Variants in WDR70 observed in about 807,000 individuals in gnomAD.
The protein encoded by WDR70 is WD repeat domain 70.
Under a neutral mutation model 88.6 loss-of-function variants are expected in WDR70, and 53 were observed. The observed-to-expected ratio is 0.60, with a 90% CI of 0.48 to 0.75. WDR70 has a LOEUF of 0.75. WDR70 is among the 30% of genes least tolerant of loss of function. The pLI is 0.00. For missense variants in WDR70, 610 were observed against 823.2 expected (o/e 0.74, Z 3.17); for synonymous variants, 280 against 270.0 (o/e 1.04, Z -0.36).
chr5:37,439,777 T>A (rs1381875957), intron 6 of WDR70, among the ~76,000 whole-genome samples: 2 of 152,142 alleles, frequency 1.3e-5, no homozygotes, highest in Non-Finnish European at 1.5e-5. Context: ...CAATCTTATT[T>A]CTTTCCTATA....
intron 7 of WDR70, among the ~76,000 whole-genome samples, chr5:37,478,279 C>T (rs1182835683): frequency 6.6e-6 from 1 of 152,208 alleles, no homozygotes; most frequent in African/African-American, 2.4e-5. Context: ...AAATATTGCA[C>T]CTGCCATGGC....
At chr5:37,466,713 A>G (rs1739162593) in intron 7 of WDR70, among the ~76,000 whole-genome samples, 2 of 149,514 alleles carry the variant, frequency 1.3e-5, no homozygotes, top group Non-Finnish European at 3.0e-5. Context: ...CTCAAAAAAA[A>G]AAAAAAAAAA....
intron 5 of WDR70, among the ~76,000 whole-genome samples, chr5:37,408,080 G>A (rs548030791): frequency 5.9e-5 from 9 of 152,174 alleles, no homozygotes; most frequent in East Asian, 1.9e-4. Flanking sequence ...CTCAGATCTC[G>A]TCTGCGTCTG....
At chr5:37,716,150 G>A (rs1422814106) in intron 13 of WDR70, among the ~76,000 whole-genome samples, 1 of 152,186 alleles carries the variant, frequency 6.6e-6, no homozygotes, top group East Asian at 1.9e-4. Flanking sequence ...AAACCAGATG[G>A]AGTTTGGTTT....
At chr5:37,697,556 T>C in intron 10 of WDR70, 99 bp from the exon 11 acceptor site, 1 of 945,472 alleles carries the variant, frequency 1.1e-6, no homozygotes, top group Non-Finnish European at 1.7e-6. Context: ...TATAGGTGTG[T>C]ATTATTTTCA....
intron 7 of WDR70, among the ~76,000 whole-genome samples, chr5:37,467,810 G>A (rs1739205043): frequency 6.6e-6 from 1 of 151,892 alleles, no homozygotes; most frequent in African/African-American, 2.4e-5. Context: ...TCCGCCTCCC[G>A]GGTTTACGTC....
chr5:37,657,208 C>G (rs1259099621), intron 10 of WDR70, among the ~76,000 whole-genome samples: 1 of 152,190 alleles, frequency 6.6e-6, no homozygotes, highest in African/African-American at 2.4e-5. Context: ...TGTACCATTC[C>G]TCACAGCAGG....
intron 13 of WDR70, among the ~76,000 whole-genome samples, chr5:37,704,080 CACG>C (rs1443436715): frequency 6.6e-6 from 1 of 152,048 alleles, no homozygotes; most frequent in East Asian, 1.9e-4. Context: ...AATGTAAAAC[CACG>C]GTATAGAGTA....
chr5:37,608,209 T>G (rs1374998205), intron 10 of WDR70, among the ~76,000 whole-genome samples: 1 of 151,856 alleles, frequency 6.6e-6, no homozygotes, highest in Non-Finnish European at 1.5e-5. Context: ...ACCTGGCTAA[T>G]TTTTGTATTT....
At chr5:37,508,122 C>T (rs553436210) in intron 8 of WDR70, among the ~76,000 whole-genome samples, 1 of 151,888 alleles carries the variant, frequency 6.6e-6, no homozygotes, top group African/African-American at 2.4e-5. Flanking sequence ...TTTGTACGTA[C>T]CTATTATGGA....
chr5:37,563,785 C>T (rs1343162532), intron 9 of WDR70, among the ~76,000 whole-genome samples: 4 of 132,444 alleles, frequency 3.0e-5, no homozygotes, highest in Non-Finnish European at 1.7e-5. Flanking sequence ...GGCTGCCGGG[C>T]GGAGGGGCTC....
At chr5:37,490,503 C>A (rs1404767046) in intron 8 of WDR70, among the ~76,000 whole-genome samples, 1 of 152,126 alleles carries the variant, frequency 6.6e-6, no homozygotes, top group Non-Finnish European at 1.5e-5. Flanking sequence ...GCATTGGCTG[C>A]ATTGGCTAGG....
At chr5:37,694,775 C>G (rs565467790) in intron 10 of WDR70, among the ~76,000 whole-genome samples, 1 of 151,976 alleles carries the variant, frequency 6.6e-6, no homozygotes, top group Non-Finnish European at 1.5e-5. Context: ...CAGCAAACCA[C>G]CATGGCACAT....
At chr5:37,447,294 G>A (rs932670506) in intron 7 of WDR70, among the ~76,000 whole-genome samples, 12 of 152,172 alleles carry the variant, frequency 7.9e-5, no homozygotes, top group African/African-American at 2.9e-4. Flanking sequence ...AACAACTAGT[G>A]CTGGAGAGGA....
At position 37,727,056 on chromosome 5, in the gene WDR70, A is replaced by G. The variant is rs1251628177; in HGVS notation, c.1877+11A>G. 1.5e-5 allele frequency: 24 copies of G among 1,598,646 alleles called. No homozygotes were observed. The highest frequency in any genetic ancestry group is 2.0e-5 in the Non-Finnish European group (23 of 1,175,422). On this transcript the variant is annotated intron_variant, in intron 17 of 17. Transcript: ENST00000265107. ...TCCAGCATATTCCAAGTGAGAATAT[A>G]GCTTTTTAAAACAGGAAAATTGTTA...
At chr5:37,416,061 A>G (rs1749735212) in intron 5 of WDR70, among the ~76,000 whole-genome samples, 1 of 147,988 alleles carries the variant, frequency 6.8e-6, no homozygotes, top group Non-Finnish European at 1.5e-5. Context: ...CTCACATCCC[A>G]GACGATGGGC....
intron 9 of WDR70, among the ~76,000 whole-genome samples, chr5:37,547,269 G>A (rs1742026734): frequency 6.6e-6 from 1 of 152,114 alleles, no homozygotes; most frequent in Admixed American, 6.5e-5. Flanking sequence ...GGAAATAAAG[G>A]TATTTCCATA....
intron 9 of WDR70, among the ~76,000 whole-genome samples, chr5:37,597,032 T>C (rs1214305118): frequency 6.6e-6 from 1 of 152,220 alleles, no homozygotes; most frequent in Non-Finnish European, 1.5e-5. Context: ...CAGTACTCTA[T>C]TACTTTTTAT....
intron 7 of WDR70, among the ~76,000 whole-genome samples, chr5:37,443,654 A>G (rs1738350413): frequency 6.6e-6 from 1 of 152,160 alleles, no homozygotes; most frequent in East Asian, 1.9e-4. Context: ...GGAGTTTGAG[A>G]CCAGAATGGA....
Sources: gnomAD v4.1 joint callset for allele counts (sites outside exome capture counted in the v4.1 genomes callset) on GRCh38, gnomAD v4.1.1 for gene constraint, MANE v1.5 for transcripts, NCBI Gene and HGNC (gene_info 2026-07-23, HGNC 2026-07-21) for gene names.